The following HHIPL2 variants were observed in gnomAD, a reference collection of about 807,000 sequenced individuals.
HHIPL2 encodes HHIP-like protein 2.
HHIPL2 carries 61 observed loss-of-function variants against 61.0 expected under a neutral mutation model. The observed-to-expected ratio is 1.00, with a 90% CI of 0.81 to 1.24. HHIPL2 has a LOEUF of 1.24. Ranked by LOEUF, HHIPL2 falls within the 50% of genes most tolerant of loss-of-function variation. The pLI is 0.00. For missense variants in HHIPL2, 885 were observed against 910.2 expected, an observed-to-expected ratio of 0.97 and a Z score of 0.36; for synonymous variants, 343 against 357.4, an observed-to-expected ratio of 0.96 and a Z score of 0.45.
chr1:222,523,527 C>T (rs1658998707), intron 8 of HHIPL2, 85 bp downstream of exon 8: 4 of 1,260,856 alleles, frequency 3.2e-6, no homozygotes, highest in South Asian at 1.2e-5. Context: ...TAAGACTCCA[C>T]CATGGGAATT....
intron 1 of HHIPL2, among the ~76,000 whole-genome samples, chr1:222,546,047 A>AAAATAAATAAAT (rs142768169): frequency 0.047 from 6,599 of 141,296 alleles, 474 homozygotes; most frequent in African/African-American, 0.14. Context: ...TCTGTCTCAA[A>AAAATAAATAAAT]AAATAAATAA....
chr1:222,543,512 G>A, intron 2 of HHIPL2, 25 bp downstream of exon 2: 2 of 1,592,804 alleles, frequency 1.3e-6, no homozygotes, highest in Non-Finnish European at 1.7e-6. Context: ...CAGTACAGCT[G>A]TAGGCTCTCA....
chr1:222,544,104 TA>T lies in HHIPL2; in HGVS notation c.406del (p.Tyr136ThrfsTer16), dbSNP rs755600318. The T allele has an allele frequency of 6.2e-6, 10 of 1,614,030 alleles. No homozygotes were observed. Among genetic ancestry groups the T allele is most frequent in the Admixed American group, 3.3e-5 (2 of 60,012 alleles). Reference sequence around the variant, plus strand: ...ACAGTTAGAATGGAAGGCAGAGCAGTAATCAGAGCAGAGGCCCGGGAGATTC... The same window carrying T: ...ACAGTTAGAATGGAAGGCAGAGCAGTATCAGAGCAGAGGCCCGGGAGATTC... ...LRNLPGLCSD[Y>X]CSAFHSNCHS... On this transcript the variant is annotated frameshift_variant, in exon 2 of 9. Coordinates refer to ENST00000343410, the MANE Select transcript of HHIPL2 (RefSeq NM_024746.4). LOFTEE classifies it high-confidence loss of function.
intron 3 of HHIPL2, among the ~76,000 whole-genome samples, chr1:222,541,709 T>C (rs1405436935): frequency 6.6e-6 from 1 of 152,132 alleles, no homozygotes; most frequent in Non-Finnish European, 1.5e-5. Flanking sequence ...ATAATATTAT[T>C]GAGTTGAATT....
chr1:222,531,826 C>T (rs773465276), intron 6 of HHIPL2, 140 bp downstream of exon 6: 1 of 643,628 alleles, frequency 1.6e-6, no homozygotes. Flanking sequence ...AGAATAGTAT[C>T]CAGTACATTA....
intron 1 of HHIPL2, among the ~76,000 whole-genome samples, chr1:222,545,800 G>A (rs901922366): frequency 2.6e-5 from 4 of 151,982 alleles, no homozygotes; most frequent in African/African-American, 9.7e-5. Context: ...AGAGGATGAG[G>A]GGGGCAGATC....
Position 222,547,841 on chromosome 1 carries a change from G to A in HHIPL2, c.204C>T (p.Gly68=). Reference sequence around the variant, plus strand: ...GGCGGTCCTTGTGCTGATCACAGCAGCCGAAGGACTCATAGTCAGAGCAAA... The same window carrying A: ...GGCGGTCCTTGTGCTGATCACAGCAACCGAAGGACTCATAGTCAGAGCAAA... The part of the protein sequence containing the change: ...LEFCSDYESF[G]CCDQHKDRRI... Residue 68 remains glycine, a synonymous_variant, in exon 1 of 9, where the codon GGC becomes GGT. Coordinates refer to ENST00000343410, the MANE Select transcript of HHIPL2 (RefSeq NM_024746.4). 6.2e-7 allele frequency: 1 copy of A among 1,614,196 alleles called. No individual in the cohort carries two copies. Among genetic ancestry groups the A allele is most frequent in the Non-Finnish European group, 8.5e-7 (1 of 1,180,032 alleles).
At chr1:222,534,076 G>T (rs1424979824) in intron 5 of HHIPL2, among the ~76,000 whole-genome samples, 1 of 152,244 alleles carries the variant, frequency 6.6e-6, no homozygotes, top group Non-Finnish European at 1.5e-5. Flanking sequence ...GAATTCAGTA[G>T]TGAGGAATAG....
chr1:222,528,039 A>C (rs2102610808), intron 6 of HHIPL2, among the ~76,000 whole-genome samples: 1 of 152,226 alleles, frequency 6.6e-6, no homozygotes, highest in East Asian at 1.9e-4. Context: ...GCTCCTTACC[A>C]TTTCTCCCAG....
chr1:222,539,435 C>T (rs1040979293), intron 4 of HHIPL2, among the ~76,000 whole-genome samples: 9 of 146,684 alleles, frequency 6.1e-5, no homozygotes, highest in African/African-American at 2.0e-4. Context: ...GGGGCTGAGA[C>T]AGGAGAATCA....
At chr1:222,541,227 T>C (rs1387242461) in intron 3 of HHIPL2, among the ~76,000 whole-genome samples, 9 of 152,194 alleles carry the variant, frequency 5.9e-5, no homozygotes, top group Non-Finnish European at 1.3e-4. Flanking sequence ...AACCTCAATA[T>C]TTTTATTACT....
In HHIPL2 at chr1:222,527,045, G is replaced by C. The variant is rs1175540660; in HGVS notation, c.1729C>G (p.Leu577Val). 1.2e-6 allele frequency: 2 copies of C among 1,612,414 alleles called. No individual in the cohort carries two copies. Among genetic ancestry groups the C allele is most frequent in the Admixed American group, 1.7e-5 (1 of 59,798 alleles). ...ISFAEDEAGE[L>V]YFLATSYPSA... ...GGGTAAGAGGTCGCCAGGAAATACA[G>C]CTCCCCTAAGGCAACAAAAATAGAC... Residue 577 changes from leucine (L) to valine (V), a missense_variant, in exon 7 of 9, where the codon CTG (leucine) becomes GTG (valine). Coordinates refer to ENST00000343410, the MANE Select transcript of HHIPL2 (RefSeq NM_024746.4).
At chr1:222,533,099 T>C (rs1422192989) in intron 5 of HHIPL2, among the ~76,000 whole-genome samples, 10 of 152,200 alleles carry the variant, frequency 6.6e-5, no homozygotes, top group Non-Finnish European at 1.3e-4. Flanking sequence ...GTGCAGTGGC[T>C]TATGCCTGTA....
chr1:222,528,610 C>CA (rs911314547), intron 6 of HHIPL2, among the ~76,000 whole-genome samples: 3,015 of 140,826 alleles, frequency 0.021, 92 homozygotes, highest in African/African-American at 0.068. Context: ...GACTCCGTCT[C>CA]AAAAAAAAAA....
In HHIPL2 at chr1:222,532,084, T is replaced by C; in HGVS notation, c.1605A>G (p.Arg535=). ...SGRLMALQED[R]KNKKWKKQDL... ...CCTGCTTCTTCCATTTCTTGTTTTT[T>C]CTATCTTCCTGCAAAGCCATAAGTC... Residue 535 remains arginine (R), a synonymous_variant, in exon 6 of 9, where the codon AGA becomes AGG. Transcript: ENST00000343410. 1 of 1,613,894 alleles carries C rather than the reference T, an allele frequency of 6.2e-7. No homozygotes were observed. The highest frequency in any genetic ancestry group is 1.1e-5 in the South Asian group (1 of 91,068).
In HHIPL2 at chr1:222,522,519, G is replaced by A; in HGVS notation, c.*82C>T. The A allele has an allele frequency of 6.8e-7, 1 of 1,462,976 alleles. No homozygotes were observed. The highest frequency in any genetic ancestry group is 9.3e-7 in the Non-Finnish European group (1 of 1,079,134). The allele number at this position is 1,462,976 out of a possible 1,614,324, so 90.6% of individuals were successfully genotyped here. A position where few individuals can be genotyped will look rare whatever the true frequency, so the allele number is the denominator to read the frequency against. On this transcript the variant is annotated 3_prime_UTR_variant, in exon 9 of 9. Transcript: ENST00000343410. ...CTACCCTGGCTTCCCAGACTTCTAA[G>A]GTCTTTATTCAGCAGTGACTTTCAT...
chr1:222,540,145 G>C lies in HHIPL2; in HGVS notation c.1315C>G (p.Arg439Gly), dbSNP rs753759658. The change falls in exon 4 of 9, where the codon CGG becomes GGG. Residue 439 changes from arginine to glycine, a missense_variant. Transcript: ENST00000343410. The part of the protein sequence containing the change: ...GDPITRQGRG[R>G]IFCGDVGQNR... The stretch of plus-strand genomic sequence containing the variant: ...TGGCCCACGTCCCCACAGAATATCC[G>C]GCCTCGGCCCTGGCGCGTGATGGGG... 1.9e-6 allele frequency: 3 copies of C among 1,614,102 alleles called. No individual in the cohort carries two copies. The highest frequency in any genetic ancestry group is 2.5e-6 in the Non-Finnish European group (3 of 1,180,044).
At chr1:222,531,871 A>C in intron 6 of HHIPL2, 95 bp downstream of exon 6, 14 of 1,102,320 alleles carry the variant, frequency 1.3e-5, no homozygotes, top group Non-Finnish European at 1.8e-5. Context: ...TCATAGTAGA[A>C]GTGATAATTA....
chr1:222,539,591 T>G (rs1198263813), intron 4 of HHIPL2, among the ~76,000 whole-genome samples: 2 of 151,780 alleles, frequency 1.3e-5, no homozygotes, highest in East Asian at 1.9e-4. Context: ...AGTGTCCTCT[T>G]ACTTGCCTAT....
Sources: allele counts gnomAD v4.1 joint callset (sites outside exome capture counted in the v4.1 genomes callset), GRCh38; gene constraint gnomAD v4.1.1; transcripts MANE v1.5; gene names NCBI Gene and HGNC (gene_info 2026-07-23, HGNC 2026-07-21).